CATSPERB: variants seen among roughly 807,000 people sequenced by gnomAD.
CATSPERB encodes cation channel sperm-associated auxiliary subunit beta.
Under a neutral mutation model 128.3 loss-of-function variants are expected in CATSPERB, and 93 were observed. The observed-to-expected ratio is 0.72, with a 90% CI of 0.61 to 0.86. The LOEUF is 0.86. Ranked by LOEUF, CATSPERB falls within the 40% of genes least tolerant of loss-of-function variation. The pLI is 0.00. For synonymous variants in CATSPERB, 381 were observed against 448.8 expected (o/e 0.85, Z 1.91); for missense variants, 1,153 against 1,329.5 (o/e 0.87, Z 2.06).
Position 91,723,119 on chromosome 14 carries a change from C to G in CATSPERB, c.239G>C (p.Gly80Ala). Residue 80 changes from glycine to alanine, a missense_variant, in exon 4 of 27, where the codon GGA becomes GCA. Gly to Ala is a moderately conservative substitution (Grantham distance 60). Transcript: ENST00000256343. ...GATTCCCAAGCTGGGAGCAAGTCCT[C>G]CTGATGTGAACACACTTAGCATTGC... ...SKAMLSVFTS[G>A]GLAPSLGIMN... The G allele has an allele frequency of 6.4e-7, 1 of 1,563,850 alleles. No individual in the cohort carries two copies. Among genetic ancestry groups the G allele is most frequent in the East Asian group, 2.4e-5 (1 of 42,424 alleles).
At chr14:91,668,273 C>G (rs1167745327) in intron 14 of CATSPERB, among the ~76,000 whole-genome samples, 1 of 149,482 alleles carries the variant, frequency 6.7e-6, no homozygotes, top group Non-Finnish European at 1.5e-5. Context: ...CCAATCCACG[C>G]TCTGTGTCTA....
At chr14:91,647,691 A>G (rs1033056676) in intron 15 of CATSPERB, among the ~76,000 whole-genome samples, 2 of 152,124 alleles carry the variant, frequency 1.3e-5, no homozygotes, top group African/African-American at 4.8e-5. Context: ...AGACTTATTC[A>G]CTATCACCAG....
intron 13 of CATSPERB, 78 bp downstream of exon 13, chr14:91,672,789 C>A (rs1895121049): frequency 1.7e-6 from 2 of 1,205,424 alleles, no homozygotes; most frequent in East Asian, 2.7e-5. Flanking sequence ...ATAACAAGAA[C>A]TTGAAAATAA....
At chr14:91,713,657 T>A (rs1895881540) in intron 5 of CATSPERB, among the ~76,000 whole-genome samples, 1 of 152,162 alleles carries the variant, frequency 6.6e-6, no homozygotes, top group Admixed American at 6.5e-5. Context: ...CTAAATCTAT[T>A]AAGGGATAAT....
intron 21 of CATSPERB, 114 bp from the exon 22 acceptor site, chr14:91,608,518 G>T (rs1330403386): frequency 1.2e-5 from 8 of 640,788 alleles, no homozygotes; most frequent in African/African-American, 1.9e-5. Context: ...TTAGCTACAG[G>T]TATTAAAGTA....
chr14:91,725,011 C>T (rs1311223565), intron 3 of CATSPERB, 69 bp downstream of exon 3: 11 of 658,662 alleles, frequency 1.7e-5, no homozygotes, highest in African/African-American at 3.7e-5. Flanking sequence ...GAATACAATG[C>T]TATTGGTTTT....
chr14:91,627,156 G>C (rs1894179282), intron 17 of CATSPERB, among the ~76,000 whole-genome samples: 1 of 152,172 alleles, frequency 6.6e-6, no homozygotes, highest in African/African-American at 2.4e-5. Context: ...CTGAATTTGT[G>C]TTAAAAATAC....
At chr14:91,639,765 C>A (rs1369111585) in intron 15 of CATSPERB, among the ~76,000 whole-genome samples, 1 of 152,168 alleles carries the variant, frequency 6.6e-6, no homozygotes, top group African/African-American at 2.4e-5. Context: ...CTTAGCCAAA[C>A]AGACACTGGT....
At chr14:91,690,284 C>T (rs899359914) in intron 10 of CATSPERB, among the ~76,000 whole-genome samples, 10 of 152,254 alleles carry the variant, frequency 6.6e-5, no homozygotes, top group South Asian at 2.1e-4. Context: ...TGGGCTATCG[C>T]GCCTGGCCAT....
At chr14:91,677,843 A>G (rs1219833330) in intron 11 of CATSPERB, among the ~76,000 whole-genome samples, 2 of 152,206 alleles carry the variant, frequency 1.3e-5, no homozygotes, top group African/African-American at 4.8e-5. Flanking sequence ...CATCAATGGT[A>G]GACGGGATAA....
chr14:91,621,287 C>A (rs1449745968), intron 19 of CATSPERB, among the ~76,000 whole-genome samples: 2 of 152,130 alleles, frequency 1.3e-5, no homozygotes, highest in Non-Finnish European at 2.9e-5. Context: ...GTAATCCCAG[C>A]TACTTGGGAG....
chr14:91,628,497 G>T (rs139039586), intron 17 of CATSPERB, among the ~76,000 whole-genome samples: 1 of 152,114 alleles, frequency 6.6e-6, no homozygotes, highest in Admixed American at 6.5e-5. Context: ...TAATCCCCAC[G>T]TGTCAAGGGA....
At chr14:91,646,450 A>G (rs1894607566) in intron 15 of CATSPERB, among the ~76,000 whole-genome samples, 1 of 152,168 alleles carries the variant, frequency 6.6e-6, no homozygotes, top group Non-Finnish European at 1.5e-5. Context: ...AAAAGCATCC[A>G]AAGTAACACT....
chr14:91,728,035 C>T (rs993524918), intron 2 of CATSPERB, among the ~76,000 whole-genome samples: 1 of 152,202 alleles, frequency 6.6e-6, no homozygotes, highest in Non-Finnish European at 1.5e-5. Flanking sequence ...TGTCTATCAC[C>T]TCTGAAATGC....
At chr14:91,611,632 CCAAAACCAAAAA>C (rs966912047) in intron 20 of CATSPERB, among the ~76,000 whole-genome samples, 19 of 151,852 alleles carry the variant, frequency 1.3e-4, no homozygotes, top group Middle Eastern at 3.4e-3. Context: ...AACAAAAAAA[CCAAAACCAAAAA>C]CAAAACCAAA....
intron 16 of CATSPERB, among the ~76,000 whole-genome samples, chr14:91,636,885 C>T (rs1027284300): frequency 2.0e-5 from 3 of 152,116 alleles, no homozygotes; most frequent in African/African-American, 7.2e-5. Context: ...GTGTGAGGAG[C>T]CTGGAGATGC....
intron 4 of CATSPERB, among the ~76,000 whole-genome samples, chr14:91,720,729 C>G (rs921615351): frequency 6.6e-6 from 1 of 152,070 alleles, no homozygotes; most frequent in Non-Finnish European, 1.5e-5. Flanking sequence ...AATTGGCAAG[C>G]TTATCCTAAA....
At chr14:91,662,064 A>T (rs1250683619) in intron 14 of CATSPERB, among the ~76,000 whole-genome samples, 1 of 152,008 alleles carries the variant, frequency 6.6e-6, no homozygotes, top group African/African-American at 2.4e-5. Context: ...ATTTTTCCTT[A>T]TATTATTTAA....
At chr14:91,586,636 A>G (rs1595135147) in intron 26 of CATSPERB, among the ~76,000 whole-genome samples, 1 of 151,988 alleles carries the variant, frequency 6.6e-6, no homozygotes, top group East Asian at 1.9e-4. Flanking sequence ...ATGACTCATT[A>G]ATTGATTTTT....
Sources: gnomAD v4.1 joint callset for allele counts (sites outside exome capture counted in the v4.1 genomes callset) on GRCh38, gnomAD v4.1.1 for gene constraint, MANE v1.5 for transcripts, NCBI Gene and HGNC (gene_info 2026-07-23, HGNC 2026-07-21) for gene names.